IMMP2L: variants seen among roughly 807,000 people sequenced by gnomAD.
The protein encoded by IMMP2L is inner mitochondrial membrane peptidase subunit 2.
In IMMP2L, 18 loss-of-function variants were observed where a neutral mutation model predicts 19.3. The observed-to-expected ratio is 0.93, with a 90% CI of 0.64 to 1.38. The LOEUF is 1.38. Among genes scored for constraint, IMMP2L ranks in the 40% most tolerant of loss-of-function variants. IMMP2L has a pLI of 0.00. For missense variants in IMMP2L, 233 were observed against 218.2 expected (o/e 1.07, Z -0.43); for synonymous variants, 76 against 73.0 (o/e 1.04, Z -0.21).
intron 5 of IMMP2L, among the ~76,000 whole-genome samples, chr7:110,799,151 C>A (rs1428603388): frequency 6.6e-6 from 1 of 151,994 alleles, no homozygotes; most frequent in Non-Finnish European, 1.5e-5. Flanking sequence ...TTAGCCCGAG[C>A]TGGGTAGTAG....
At chr7:111,037,029 G>A (rs2129570103) in intron 3 of IMMP2L, among the ~76,000 whole-genome samples, 1 of 152,276 alleles carries the variant, frequency 6.6e-6, no homozygotes, top group Non-Finnish European at 1.5e-5. Flanking sequence ...CTGCTGAGCA[G>A]ATCCCTCCCT....
chr7:111,228,809 C>T lies in IMMP2L; in HGVS notation c.239+258429G>A, dbSNP rs112911021. ...ATCTTCTTGGAGTTAACAAAGGGTC[C>T]CCACCATCTTAGGTGAAAGGTATTT... On this transcript the variant is annotated intron_variant, in intron 3 of 5. Transcript: ENST00000405709. Among the ~76,000 whole-genome samples the T allele has an allele frequency of 3.5e-3, 538 of 151,602 alleles. 2 individuals are homozygous for T. The highest frequency in any genetic ancestry group is 0.012 in the African/African-American group (509 of 41,272).
At chr7:111,340,675 A>G (rs1826919942) in intron 3 of IMMP2L, among the ~76,000 whole-genome samples, 5 of 152,132 alleles carry the variant, frequency 3.3e-5, no homozygotes, top group Admixed American at 2.0e-4. Flanking sequence ...CAAAAACTGG[A>G]AACAACCCAA....
chr7:110,821,931 G>C (rs1399996291), intron 5 of IMMP2L, among the ~76,000 whole-genome samples: 1 of 151,706 alleles, frequency 6.6e-6, no homozygotes, highest in Non-Finnish European at 1.5e-5. Context: ...TCAAAAAAAA[G>C]GTAAAATTCA....
intron 3 of IMMP2L, among the ~76,000 whole-genome samples, chr7:111,260,656 T>C (rs1817217910): frequency 6.6e-6 from 1 of 152,160 alleles, no homozygotes; most frequent in Non-Finnish European, 1.5e-5. Context: ...GCAAAACAAT[T>C]TAATCATACT....
At chr7:111,373,610 T>C (rs79136017) in intron 3 of IMMP2L, among the ~76,000 whole-genome samples, 3,270 of 152,130 alleles carry the variant, frequency 0.021, 120 homozygotes, top group African/African-American at 0.075. Context: ...TTTGCTAATG[T>C]TTATAAGTTC....
At chr7:110,998,789 A>T (rs1320443086) in intron 3 of IMMP2L, among the ~76,000 whole-genome samples, 1 of 152,110 alleles carries the variant, frequency 6.6e-6, no homozygotes, top group Non-Finnish European at 1.5e-5. Flanking sequence ...GGCACAGTGT[A>T]ATTCCACTGT....
At chr7:111,141,450 TG>T (rs1217069870) in intron 3 of IMMP2L, among the ~76,000 whole-genome samples, 1 of 151,956 alleles carries the variant, frequency 6.6e-6, no homozygotes. Flanking sequence ...CTTTTTTTTT[TG>T]TATAATTTTG....
intron 3 of IMMP2L, among the ~76,000 whole-genome samples, chr7:111,407,172 T>C (rs1397589663): frequency 6.6e-6 from 1 of 151,950 alleles, no homozygotes; most frequent in Non-Finnish European, 1.5e-5. Flanking sequence ...GGTGAGGTTG[T>C]GGGGAAAATA....
intron 5 of IMMP2L, among the ~76,000 whole-genome samples, chr7:110,800,961 C>A (rs1801198351): frequency 6.6e-6 from 1 of 152,036 alleles, no homozygotes; most frequent in Non-Finnish European, 1.5e-5. Context: ...TGGGTACCTT[C>A]ATCAGAAATG....
At chr7:110,989,038 C>T (rs1822165716) in intron 3 of IMMP2L, among the ~76,000 whole-genome samples, 1 of 152,060 alleles carries the variant, frequency 6.6e-6, no homozygotes, top group South Asian at 2.1e-4. Context: ...GAGTTTGACA[C>T]CAGCCTGACC....
At chr7:111,434,191 AG>A (rs1462477278) in intron 3 of IMMP2L, among the ~76,000 whole-genome samples, 1 of 151,830 alleles carries the variant, frequency 6.6e-6, no homozygotes, top group African/African-American at 2.4e-5. Context: ...ACACTGAAAA[AG>A]TTCTATCCTA....
intron 5 of IMMP2L, chr7:110,725,755 T>G (rs1026794368): frequency 6.6e-6 from 1 of 152,178 alleles, no homozygotes; most frequent in African/African-American, 2.4e-5. Context: ...TCTGAGTCCA[T>G]GGATTAGAGG....
At chr7:111,178,898 A>G (rs1430029003) in intron 3 of IMMP2L, among the ~76,000 whole-genome samples, 1 of 152,008 alleles carries the variant, frequency 6.6e-6, no homozygotes, top group Admixed American at 6.6e-5. Context: ...GTTCATGTTG[A>G]TATTTTGATC....
intron 3 of IMMP2L, among the ~76,000 whole-genome samples, chr7:110,995,838 T>C (rs1822974265): frequency 6.6e-6 from 1 of 152,138 alleles, no homozygotes; most frequent in Non-Finnish European, 1.5e-5. Flanking sequence ...TATCTATCTG[T>C]AATCCACCTG....
At chr7:111,226,055 A>C (rs1390823280) in intron 3 of IMMP2L, among the ~76,000 whole-genome samples, 4 of 152,072 alleles carry the variant, frequency 2.6e-5, no homozygotes. Flanking sequence ...GAAGGTTTAG[A>C]CTAAAGCTAT....
At chr7:111,134,265 C>T (rs950791417) in intron 3 of IMMP2L, among the ~76,000 whole-genome samples, 2 of 151,934 alleles carry the variant, frequency 1.3e-5, no homozygotes, top group African/African-American at 4.8e-5. Context: ...TTCTAACTAC[C>T]TAGATTTTTA....
At chr7:110,879,997 T>C (rs949270925) in intron 5 of IMMP2L, among the ~76,000 whole-genome samples, 3 of 152,128 alleles carry the variant, frequency 2.0e-5, no homozygotes, top group African/African-American at 7.2e-5. Flanking sequence ...TGGAGCAGAA[T>C]TCTTTAGGAG....
chr7:111,181,878 A>T (rs2129611176), intron 3 of IMMP2L, among the ~76,000 whole-genome samples: 1 of 152,164 alleles, frequency 6.6e-6, no homozygotes, highest in East Asian at 1.9e-4. Flanking sequence ...TAAATTTTGT[A>T]GCTAGCTCAT....
Sources: gnomAD v4.1 joint callset for allele counts (sites outside exome capture counted in the v4.1 genomes callset) on GRCh38, gnomAD v4.1.1 for gene constraint, MANE v1.5 for transcripts, NCBI Gene and HGNC (gene_info 2026-07-23, HGNC 2026-07-21) for gene names.